Variants in CASP1 observed in about 807,000 individuals in gnomAD.
CASP1 encodes caspase-1.
In CASP1, 31 loss-of-function variants were observed where a neutral mutation model predicts 41.2. The ratio of observed to expected loss-of-function variants is 0.75; its 90% CI spans 0.57 to 1.02. The LOEUF (loss-of-function observed/expected upper bound fraction) is 1.02, where lower values mean the gene tolerates loss of function less well. Ranked by LOEUF, CASP1 falls within the 50% of genes least tolerant of loss-of-function variation. CASP1 has a pLI of 0.00. For synonymous variants in CASP1, 163 were observed against 166.5 expected (o/e 0.98, Z 0.16); for missense variants, 490 against 495.7 (o/e 0.99, Z 0.11).
intron 7 of CASP1, among the ~76,000 whole-genome samples, chr11:105,028,625 C>T (rs1863471734): frequency 6.6e-6 from 1 of 152,054 alleles, no homozygotes. Context: ...TCAATAATAG[C>T]AAGATTCTTA....
chr11:105,032,477 C>G (rs1863758529), intron 3 of CASP1, among the ~76,000 whole-genome samples: 1 of 152,074 alleles, frequency 6.6e-6, no homozygotes, highest in African/African-American at 2.4e-5. Flanking sequence ...AATTTGCATT[C>G]CTAGCCTCTA....
chr11:105,029,032 G>T, intron 7 of CASP1, 92 bp downstream of exon 7: 1 of 1,203,374 alleles, frequency 8.3e-7, no homozygotes, highest in East Asian at 2.4e-5. Flanking sequence ...GCTTGAGTTG[G>T]TCTTGAGTTG....
intron 3 of CASP1, among the ~76,000 whole-genome samples, chr11:105,032,679 C>A (rs1044238505): frequency 3.4e-4 from 51 of 152,160 alleles, no homozygotes; most frequent in African/African-American, 1.1e-3. Context: ...GTTTGAACAA[C>A]TGGTGACGGT....
At chr11:105,026,625 G>C (rs1377992847) in intron 8 of CASP1, 2 of 600,688 alleles carry the variant, frequency 3.3e-6, no homozygotes, top group Middle Eastern at 4.4e-4. Flanking sequence ...GGGCAGGAGC[G>C]GGGTGAAACT....
Position 105,031,199 on chromosome 11 carries a change from T to A in CASP1, c.419A>T (p.Glu140Val). The A allele has an allele frequency of 6.2e-7, 1 of 1,612,492 alleles. No individual in the cohort carries two copies. Among genetic ancestry groups the A allele is most frequent in the Non-Finnish European group, 8.5e-7 (1 of 1,178,816 alleles). Residue 140 changes from glutamate to valine, a missense_variant, in exon 4 of 9, where the codon GAA (glutamate) becomes GTA (valine). Transcript: ENST00000533400. ...EGNVKLCSLE[E>V]AQRIWKQKSA... ...CTTTTGTTTCCATATCCTTTGAGCT[T>A]CTTCTAGGGAGCAAAGCTTGACATT...
At chr11:105,027,633 T>C (rs1347949571) in intron 7 of CASP1, among the ~76,000 whole-genome samples, 1 of 152,132 alleles carries the variant, frequency 6.6e-6, no homozygotes, top group Non-Finnish European at 1.5e-5. Context: ...CATTCTTTAA[T>C]GACACATTTT....
chr11:105,036,560 TG>T (rs1282871728), upstream of CASP1, among the ~76,000 whole-genome samples: 2 of 152,154 alleles, frequency 1.3e-5, no homozygotes, highest in Non-Finnish European at 2.9e-5. Flanking sequence ...TGAGATCCGA[TG>T]GTTTTATAAA....
At chr11:105,030,894 A>G (rs1479803161) in intron 4 of CASP1, 1 of 384,604 alleles carries the variant, frequency 2.6e-6, no homozygotes. Flanking sequence ...ATATATTATC[A>G]TGTGCAAAAT....
At chr11:105,033,236 T>A (rs983955200) in intron 2 of CASP1, 110 bp from the exon 3 acceptor site, 3 of 615,430 alleles carry the variant, frequency 4.9e-6, no homozygotes, top group Non-Finnish European at 8.6e-6. Flanking sequence ...ACTGACTGAC[T>A]GACTGACATT....
intron 4 of CASP1, 176 bp downstream of exon 4, chr11:105,030,989 C>T (rs557765931): frequency 1.8e-6 from 1 of 557,402 alleles, no homozygotes; most frequent in Non-Finnish European, 3.3e-6. Flanking sequence ...CCAATTTGGA[C>T]CTCTTTCTAT....
chr11:105,029,425 T>C (rs1393867083), intron 6 of CASP1, among the ~76,000 whole-genome samples, 158 bp from the exon 7 acceptor site: 2 of 152,162 alleles, frequency 1.3e-5, no homozygotes, highest in Non-Finnish European at 1.5e-5. Flanking sequence ...TCAACAATGT[T>C]TATCTTTTCT....
intron 8 of CASP1, 197 bp from the exon 9 acceptor site, chr11:105,026,553 C>G: frequency 1.7e-6 from 1 of 599,636 alleles, no homozygotes; most frequent in Non-Finnish European, 3.0e-6. Flanking sequence ...TTTAAATCTG[C>G]TGCTGGATCT....
Position 105,025,607 on chromosome 11 carries a change from G to T in CASP1, c.*651C>A, listed in dbSNP as rs1384717829. ...AGAAGGATCTCTTCACTTCCTATGAGAAAAAGAAATAATTAAAAAAAAAAA... is the reference window on the plus strand; with the variant it reads ...AGAAGGATCTCTTCACTTCCTATGATAAAAAGAAATAATTAAAAAAAAAAA... On this transcript the variant is annotated 3_prime_UTR_variant, in exon 9 of 9. Transcript: ENST00000533400. 2 of 376,158 alleles carry T rather than the reference G, an allele frequency of 5.3e-6. No individual in the cohort carries two copies. The highest frequency in any genetic ancestry group is 4.1e-5 in the South Asian group (2 of 49,246). The allele number at this position is 376,158 out of a possible 1,614,324, so 23.3% of individuals were successfully genotyped here. A position where few individuals can be genotyped will look rare whatever the true frequency, so the allele number is the denominator to read the frequency against.
chr11:105,033,465 C>T (rs182914779), intron 2 of CASP1, among the ~76,000 whole-genome samples: 1 of 152,306 alleles, frequency 6.6e-6, no homozygotes, highest in African/African-American at 2.4e-5. Context: ...GTGCCACAGA[C>T]ATCAATGACT....
At chr11:105,036,267 G>A (rs1477372276), upstream of CASP1, among the ~76,000 whole-genome samples, 2 of 152,150 alleles carry the variant, frequency 1.3e-5, no homozygotes, top group African/African-American at 4.8e-5. Flanking sequence ...GAATCCTCAA[G>A]CAGTGCATCT....
At chr11:105,031,410 A>T in intron 3 of CASP1, 130 bp from the exon 4 acceptor site, 1 of 547,754 alleles carries the variant, frequency 1.8e-6, no homozygotes. Flanking sequence ...CCTGATCTAC[A>T]TCATTAACAC....
intron 3 of CASP1, among the ~76,000 whole-genome samples, chr11:105,032,254 T>C (rs1863744398): frequency 6.6e-6 from 1 of 152,196 alleles, no homozygotes; most frequent in East Asian, 1.9e-4. Flanking sequence ...AATAATCATT[T>C]GTTGGATAAA....
chr11:105,033,881 A>G (rs1343440453), intron 2 of CASP1: 7 of 646,028 alleles, frequency 1.1e-5, no homozygotes, highest in Non-Finnish European at 2.0e-5. Context: ...CAGCAAAAAT[A>G]AATCCACAGG....
At chr11:105,035,686 G>A (rs990232295), upstream of CASP1, among the ~76,000 whole-genome samples, 2 of 120,560 alleles carry the variant, frequency 1.7e-5, no homozygotes, top group Non-Finnish European at 3.2e-5. Context: ...TTTGACCTTG[G>A]CTCACTGCAG....
Sources: gnomAD v4.1 joint callset for allele counts (sites outside exome capture counted in the v4.1 genomes callset) on GRCh38, gnomAD v4.1.1 for gene constraint, MANE v1.5 for transcripts, NCBI Gene and HGNC (gene_info 2026-07-23, HGNC 2026-07-21) for gene names.